The following PLXNB2 variants were observed in gnomAD, a reference collection of about 807,000 sequenced individuals.
PLXNB2 encodes the protein plexin B2.
Under a neutral mutation model 202.6 loss-of-function variants are expected in PLXNB2, and 85 were observed. That is an observed-to-expected ratio of 0.42 (90% CI 0.35 to 0.50). PLXNB2 has a LOEUF of 0.50. Ranked by LOEUF, PLXNB2 falls within the 20% of genes least tolerant of loss-of-function variation. The pLI, the probability that PLXNB2 is intolerant of heterozygous loss-of-function variation, is 0.02. For missense variants in PLXNB2, 2,063 were observed against 2,586.2 expected (o/e 0.80, Z 4.39); for synonymous variants, 1,239 against 1,137.6 (o/e 1.09, Z -1.79).
chr22:50,307,548 G>A lies in PLXNB2; in HGVS notation c.-74+5C>T. On this transcript the variant is annotated splice_donor_5th_base_variant and intron_variant, in intron 1 of 36. Coordinates refer to ENST00000359337, the MANE Select transcript of PLXNB2 (RefSeq NM_012401.4). Reference sequence around the variant, plus strand: ...CCCCGCAGCCCAGTCCCCCGAGCTCGGTACCTGCACGTCCGCCGCCAAGGC... The same window carrying A: ...CCCCGCAGCCCAGTCCCCCGAGCTCAGTACCTGCACGTCCGCCGCCAAGGC... The A allele has an allele frequency of 2.0e-6, 2 of 981,670 alleles. No homozygotes were observed. The highest frequency in any genetic ancestry group is 2.4e-6 in the Non-Finnish European group (2 of 828,358). The allele number at this position is 981,670 out of a possible 1,614,324, so 60.8% of individuals were successfully genotyped here. A position where few individuals can be genotyped will look rare whatever the true frequency, so the allele number is the denominator to read the frequency against.
At chr22:50,300,462 G>C (rs1410872311) in intron 1 of PLXNB2, 12 of 311,156 alleles carry the variant, frequency 3.9e-5, no homozygotes, top group African/African-American at 1.1e-4. Flanking sequence ...GCAGCCTCCC[G>C]CAGGACTCCG....
chr22:50,290,539 C>G lies in PLXNB2; in HGVS notation c.46G>C (p.Ala16Pro). 6.2e-7 allele frequency: 1 copy of G among 1,611,906 alleles called. No homozygotes were observed. Among genetic ancestry groups the G allele is most frequent in the Non-Finnish European group, 8.5e-7 (1 of 1,179,836 alleles). Reference sequence around the variant, plus strand: ...TTGCGGGGCCTCAGGCTGGCACCTGCGCCCAGCAGGCCCAGCAGGGTCAGG... The same window carrying G: ...TTGCGGGGCCTCAGGCTGGCACCTGGGCCCAGCAGGCCCAGCAGGGTCAGG... Reference protein sequence around the residue: ...WALTLLGLLGAGASLRPRKLD... With the variant: ...WALTLLGLLGPGASLRPRKLD... Residue 16 changes from alanine to proline, a missense_variant, in exon 3 of 37, where the codon GCA becomes CCA. By Grantham distance (27) the Ala-to-Pro change is conservative. Transcript: ENST00000359337.
Position 50,290,613 on chromosome 22 carries a change from A to C in PLXNB2, c.-13-16T>G. On this transcript the variant is annotated splice_polypyrimidine_tract_variant and intron_variant, in intron 2 of 36. Transcript: ENST00000359337. ...CCCCCGCACCCTGTGGGAAGAGAGA[A>C]GGGTCAGGGGAGCCCCGACCCAGAG... The C allele has an allele frequency of 6.4e-7, 1 of 1,565,250 alleles. No individual in the cohort carries two copies. The highest frequency in any genetic ancestry group is 2.3e-5 in the East Asian group (1 of 43,282).
intron 2 of PLXNB2, 48 bp from the exon 3 acceptor site, chr22:50,290,645 C>T (rs1454193640): frequency 3.4e-5 from 50 of 1,478,932 alleles, no homozygotes; most frequent in Non-Finnish European, 3.9e-5. Context: ...AGAGGACCCC[C>T]GATCAAATCC....
chr22:50,305,320 G>A (rs375481068), intron 1 of PLXNB2, among the ~76,000 whole-genome samples: 4 of 152,206 alleles, frequency 2.6e-5, no homozygotes, highest in Non-Finnish European at 5.9e-5. Flanking sequence ...CAAGGCTCTG[G>A]GCTTTCTGCA....
At chr22:50,303,786 T>C (rs566487888) in intron 1 of PLXNB2, among the ~76,000 whole-genome samples, 16 of 152,322 alleles carry the variant, frequency 1.1e-4, no homozygotes, top group Admixed American at 4.6e-4. Flanking sequence ...ATGCTGCTGC[T>C]GCTGGGACCC....
chr22:50,294,912 C>T (rs1245957166), intron 1 of PLXNB2, 134 bp from the exon 2 acceptor site: 3 of 235,384 alleles, frequency 1.3e-5, no homozygotes, highest in Non-Finnish European at 2.1e-5. Context: ...TGGCTTCCCT[C>T]TGGCCCCTGC....
At chr22:50,306,726 C>T (rs1257361533) in intron 1 of PLXNB2, among the ~76,000 whole-genome samples, 3 of 146,440 alleles carry the variant, frequency 2.0e-5, no homozygotes, top group East Asian at 2.0e-4. Context: ...CTCACCCTCA[C>T]CCTCACCCCC....
rs762346500 is a variant in PLXNB2 at position 50,282,173 on chromosome 22, C to T, written c.3117+11G>A. ...GGCCGGTGCCAGAGCTGAGCCCACGCCAGGACTGACCGTCATGGGCTGCAG... is the reference window on the plus strand; with the variant it reads ...GGCCGGTGCCAGAGCTGAGCCCACGTCAGGACTGACCGTCATGGGCTGCAG... On this transcript the variant is annotated intron_variant, in intron 19 of 36. Coordinates refer to ENST00000359337, the MANE Select transcript of PLXNB2 (RefSeq NM_012401.4). 1.9e-6 allele frequency: 3 copies of T among 1,608,198 alleles called. No homozygotes were observed. Among genetic ancestry groups the T allele is most frequent in the South Asian group, 1.1e-5 (1 of 90,540 alleles).
At chr22:50,287,044 G>A (rs1389462479) in intron 8 of PLXNB2, 67 bp downstream of exon 8, 1 of 1,400,750 alleles carries the variant, frequency 7.1e-7, no homozygotes, top group Non-Finnish European at 9.4e-7. Context: ...GCAGAGGCGA[G>A]AGCCCGTGTG....
chr22:50,276,942 G>A (rs925962656), intron 33 of PLXNB2, 36 bp from the exon 34 acceptor site: 4 of 1,519,446 alleles, frequency 2.6e-6, no homozygotes, highest in South Asian at 1.2e-5. Context: ...CCTGGCCAAG[G>A]GGGCCAGGCT....
rs2067371676 is a variant in PLXNB2 at position 50,297,608 on chromosome 22, C to T, written c.-73-2830G>A. Among the ~76,000 whole-genome samples, 1 of 152,190 alleles carries T rather than the reference C, an allele frequency of 6.6e-6. No individual in the cohort carries two copies. The highest frequency in any genetic ancestry group is 1.5e-5 in the Non-Finnish European group (1 of 68,030). On this transcript the variant is annotated intron_variant, in intron 1 of 36. Transcript: ENST00000359337. The surrounding 1 kb of genome is among the most constrained non-coding windows in gnomAD (Gnocchi z 5.3). ...ATCTTGCCCTCAACACTGAGCCAGG[C>T]TCCATCTCCTGCTCACAAGATTCCC... is the stretch of plus-strand genomic sequence containing the variant.
At chr22:50,304,461 A>T (rs949869803) in intron 1 of PLXNB2, among the ~76,000 whole-genome samples, 1 of 152,040 alleles carries the variant, frequency 6.6e-6, no homozygotes, top group Admixed American at 6.5e-5. Flanking sequence ...TGGCTGGGGG[A>T]GCCCAGAACA....
intron 11 of PLXNB2, 47 bp downstream of exon 11, chr22:50,285,753 C>A (rs756281389): frequency 7.1e-7 from 1 of 1,401,634 alleles, no homozygotes; most frequent in Non-Finnish European, 1.0e-6. Context: ...ACCCCTCCCT[C>A]CGCACCTGAG....
chr22:50,296,605 A>C (rs2067295353), intron 1 of PLXNB2, among the ~76,000 whole-genome samples: 1 of 151,090 alleles, frequency 6.6e-6, no homozygotes, highest in Non-Finnish European at 1.5e-5. Flanking sequence ...AAAAAAAAAA[A>C]AAAAAAAAGG....
Position 50,291,076 on chromosome 22 carries a change from G to A in PLXNB2, c.-13-479C>T, listed in dbSNP as rs1418500185. Among the ~76,000 whole-genome samples, 1 of 152,182 alleles carries A rather than the reference G, an allele frequency of 6.6e-6. No individual in the cohort carries two copies. Among genetic ancestry groups the A allele is most frequent in the Non-Finnish European group, 1.5e-5 (1 of 68,028 alleles). ...GGCTCACCCATGGGGCAGAGGTGAA[G>A]GACACGGGAAACCAGAGGCTCAGGT... is the stretch of plus-strand genomic sequence containing the variant. On this transcript the variant is annotated intron_variant, in intron 2 of 36. Coordinates refer to ENST00000359337, the MANE Select transcript of PLXNB2 (RefSeq NM_012401.4). The surrounding 1 kb of genome is among the most constrained non-coding windows in gnomAD (Gnocchi z 4.3).
At chr22:50,299,958 G>C (rs2067569437) in intron 1 of PLXNB2, among the ~76,000 whole-genome samples, 1 of 152,136 alleles carries the variant, frequency 6.6e-6, no homozygotes, top group Non-Finnish European at 1.5e-5. Context: ...GGCGCAGAAC[G>C]GTTGCCCGGG....
intron 8 of PLXNB2, 69 bp from the exon 9 acceptor site, chr22:50,286,356 T>TCAGCCCCA: frequency 1.8e-6 from 2 of 1,105,912 alleles, no homozygotes; most frequent in South Asian, 1.3e-5. Context: ...GGGCCTCCCC[T>TCAGCCCCA]GGGGCTGACT....
chr22:50,277,773 T>A, intron 32 of PLXNB2, 35 bp from the exon 33 acceptor site: 2 of 1,586,932 alleles, frequency 1.3e-6, no homozygotes, highest in Non-Finnish European at 1.7e-6. Context: ...GAGCCGGGGC[T>A]GGGCCGCGGG....
Sources: allele counts gnomAD v4.1 joint callset (sites outside exome capture counted in the v4.1 genomes callset), GRCh38; gene constraint gnomAD v4.1.1; non-coding constraint Gnocchi (gnomAD v3.1); transcripts MANE v1.5; gene names NCBI Gene and HGNC (gene_info 2026-07-23, HGNC 2026-07-21).